Variants in DDR2 observed in about 807,000 individuals in gnomAD.
DDR2 encodes discoidin domain receptor tyrosine kinase 2.
DDR2 carries 27 observed loss-of-function variants against 94.9 expected under a neutral mutation model. That is an observed-to-expected ratio of 0.28 (90% CI 0.21 to 0.39). DDR2 has a LOEUF of 0.39. DDR2 is among the 10% of genes least tolerant of loss of function. The pLI is 1.00. For synonymous variants in DDR2, 382 were observed against 377.2 expected, an observed-to-expected ratio of 1.01 and a Z score of -0.15; for missense variants, 783 against 1,076.0, an observed-to-expected ratio of 0.73 and a Z score of 3.81.
chr1:162,766,152 T>C, intron 10 of DDR2, 89 bp downstream of exon 10: 2 of 1,428,130 alleles, frequency 1.4e-6, no homozygotes, highest in Non-Finnish European at 2.0e-6. Flanking sequence ...CCTGGCTGTG[T>C]GGGAGGCTTT....
intron 2 of DDR2, among the ~76,000 whole-genome samples, chr1:162,698,967 G>C (rs545842674): frequency 1.6e-4 from 25 of 152,288 alleles, no homozygotes; most frequent in African/African-American, 5.8e-4. Flanking sequence ...GACTCATATA[G>C]TGTGGAGCTT....
intron 1 of DDR2, among the ~76,000 whole-genome samples, chr1:162,646,439 A>G (rs558214049): frequency 6.6e-6 from 1 of 152,332 alleles, no homozygotes; most frequent in African/African-American, 2.4e-5. Context: ...TTACATATGT[A>G]ATCTCATGAA....
chr1:162,700,595 G>C (rs1660386825), intron 2 of DDR2, among the ~76,000 whole-genome samples: 1 of 152,194 alleles, frequency 6.6e-6, no homozygotes, highest in African/African-American at 2.4e-5. Flanking sequence ...CTCTACACAA[G>C]AGGAGGTATT....
At chr1:162,753,237 TG>T (rs1264949411) in intron 4 of DDR2, 40 bp downstream of exon 4, 1 of 1,587,908 alleles carries the variant, frequency 6.3e-7, no homozygotes. Context: ...GTTCTGGGGT[TG>T]GGCAGATTTC....
chr1:162,724,944 G>A (rs372475094), intron 3 of DDR2, among the ~76,000 whole-genome samples: 1 of 152,138 alleles, frequency 6.6e-6, no homozygotes, highest in Admixed American at 6.5e-5. Context: ...CTAGGCTGAC[G>A]CCTGAGAGTG....
chr1:162,759,735 C>T (rs949006622), intron 7 of DDR2, 61 bp from the exon 8 acceptor site: 12 of 1,601,384 alleles, frequency 7.5e-6, no homozygotes, highest in South Asian at 3.3e-5. Flanking sequence ...AGCTCTTCCA[C>T]GAATGTGTGG....
intron 10 of DDR2, 112 bp from the exon 11 acceptor site, chr1:162,767,117 C>T: frequency 6.6e-7 from 1 of 1,511,528 alleles, no homozygotes; most frequent in South Asian, 1.1e-5. Context: ...TGGCATCTTC[C>T]ATAATTATCC....
chr1:162,778,888 C>A (rs1647739542), intron 17 of DDR2, among the ~76,000 whole-genome samples, 159 bp downstream of exon 17: 1 of 152,166 alleles, frequency 6.6e-6, no homozygotes, highest in South Asian at 2.1e-4. Flanking sequence ...GACCAGTATC[C>A]TCCCCAGGCA....
intron 3 of DDR2, among the ~76,000 whole-genome samples, chr1:162,742,320 T>C (rs1489804836): frequency 1.3e-5 from 2 of 152,248 alleles, no homozygotes; most frequent in African/African-American, 4.8e-5. Context: ...AGAGGCTTAA[T>C]TAGCTCATAA....
intron 2 of DDR2, among the ~76,000 whole-genome samples, chr1:162,713,902 A>G (rs1474137076): frequency 6.6e-6 from 1 of 152,208 alleles, no homozygotes; most frequent in Non-Finnish European, 1.5e-5. Flanking sequence ...TATTGAAATT[A>G]TCTTCTAATT....
At position 162,755,664 on chromosome 1, in the gene DDR2, A is replaced by G. The variant is rs1663428118; in HGVS notation, c.566A>G (p.Asp189Gly). ...TCACTTGGCTGTGTTTCCTTTGCAG[A>G]TGGCTTGGTGTCTTACAATGCTCCA... is the stretch of plus-strand genomic sequence containing the variant. ...RVELYGCVWL[D>G]GLVSYNAPAG... is the part of the protein sequence containing the mutation. The change falls in exon 7 of 18, where the codon GAT (aspartate) becomes GGT (glycine). Residue 189 changes from aspartate (D) to glycine (G), a missense_variant and splice_region_variant. Around this residue, in one of 2 missense-constraint regions of DDR2, gnomAD observed 519 missense variants for 647.9 expected, o/e 0.80. Transcript: ENST00000367921. The G allele has an allele frequency of 6.2e-7, 1 of 1,614,052 alleles. No individual in the cohort carries two copies. Among genetic ancestry groups the G allele is most frequent in the Non-Finnish European group, 8.5e-7 (1 of 1,179,958 alleles).
chr1:162,637,717 G>A (rs549604928), intron 1 of DDR2, among the ~76,000 whole-genome samples: 1 of 152,212 alleles, frequency 6.6e-6, no homozygotes, highest in Admixed American at 6.5e-5. Context: ...TGTGCACTTA[G>A]TGCATGCCTT....
At position 162,780,727 on chromosome 1, in the gene DDR2, A is replaced by T. The variant is rs1178028404; in HGVS notation, c.*481A>T. 1 of 162,642 alleles carries T rather than the reference A, an allele frequency of 6.1e-6. No individual in the cohort carries two copies. The highest frequency in any genetic ancestry group is 1.8e-4 in the East Asian group (1 of 5,670). The allele number at this position is 162,642 out of a possible 1,614,324, so 10.1% of individuals were successfully genotyped here. A position where few individuals can be genotyped will look rare whatever the true frequency, so the allele number is the denominator to read the frequency against. On this transcript the variant is annotated 3_prime_UTR_variant, in exon 18 of 18. Transcript: ENST00000367921. Reference sequence around the variant, plus strand: ...TGGAGAATCTGAGGACTCAGAATTCAGCAACTAATCACAGGTGGTTTTCTA... The same window carrying T: ...TGGAGAATCTGAGGACTCAGAATTCTGCAACTAATCACAGGTGGTTTTCTA...
chr1:162,779,216 C>T (rs530245771), intron 17 of DDR2, among the ~76,000 whole-genome samples: 1 of 152,266 alleles, frequency 6.6e-6, no homozygotes, highest in Non-Finnish European at 1.5e-5. Flanking sequence ...TGGAAGGCAT[C>T]TCTGGGCCCA....
rs1361305680 is a variant in DDR2 at position 162,770,634 on chromosome 1, T to A, written c.1504+122T>A. The A allele has an allele frequency of 5.1e-6, 5 of 981,544 alleles. No homozygotes were observed. In the Admixed American group the frequency reaches 9.9e-5, roughly 19 times the overall value. 60.8% of individuals were successfully genotyped at this position (981,544 alleles called of 1,614,324 possible). On this transcript the variant is annotated intron_variant, in intron 12 of 17. Transcript: ENST00000367921. Reference sequence around the variant, plus strand: ...TAGTCTCTGCTAACCTCCTGAGAAGTCCACATTCTCTTTCTAGATTTGGTC... The same window carrying A: ...TAGTCTCTGCTAACCTCCTGAGAAGACCACATTCTCTTTCTAGATTTGGTC...
At chr1:162,639,898 T>G (rs1438036964) in intron 1 of DDR2, among the ~76,000 whole-genome samples, 1 of 152,110 alleles carries the variant, frequency 6.6e-6, no homozygotes, top group Non-Finnish European at 1.5e-5. Flanking sequence ...GAGGGATAAA[T>G]TGAACACAGA....
At chr1:162,726,445 C>G in intron 3 of DDR2, among the ~76,000 whole-genome samples, 1 of 152,104 alleles carries the variant, frequency 6.6e-6, no homozygotes. Context: ...GGTGAATTCC[C>G]GGTTCATACC....
At chr1:162,726,770 C>T (rs892041648) in intron 3 of DDR2, among the ~76,000 whole-genome samples, 1 of 152,052 alleles carries the variant, frequency 6.6e-6, no homozygotes. Flanking sequence ...TACAGAAGAA[C>T]AACAGTGTTG....
chr1:162,681,703 A>G (rs1659410170), intron 2 of DDR2, among the ~76,000 whole-genome samples: 1 of 152,148 alleles, frequency 6.6e-6, no homozygotes, highest in South Asian at 2.1e-4. Context: ...GGTCCTTAGT[A>G]TAAGGGTACT....
Sources: gnomAD v4.1 joint callset for allele counts (sites outside exome capture counted in the v4.1 genomes callset) on GRCh38, gnomAD v4.1.1 for gene constraint, gnomAD v4.1.1 regional missense constraint, MANE v1.5 for transcripts, NCBI Gene and HGNC (gene_info 2026-07-23, HGNC 2026-07-21) for gene names.